The following MFSD11 variants were observed in gnomAD, a reference collection of about 807,000 sequenced individuals.
MFSD11 encodes the protein UNC93-like protein MFSD11.
A neutral mutation model predicts 53.5 loss-of-function variants in MFSD11; 36 were observed. The observed-to-expected ratio is 0.67, with a 90% CI of 0.52 to 0.89. MFSD11 has a LOEUF of 0.89. MFSD11 is among the 40% of genes least tolerant of loss of function. The probability of loss-of-function intolerance (pLI) is 0.00; values close to 1 mark genes in which losing one functional copy is unlikely to be tolerated. For synonymous variants in MFSD11, 186 were observed against 184.9 expected, an observed-to-expected ratio of 1.01 and a Z score of -0.05; for missense variants, 530 against 543.9, an observed-to-expected ratio of 0.97 and a Z score of 0.25.
chr17:76,790,920 G>A, the MFSD11 span, among the ~76,000 whole-genome samples: 4 of 142,818 alleles, frequency 2.8e-5, no homozygotes, highest in African/African-American at 5.3e-5. Context: ...CAGCCTGGGC[G>A]ACAGAGCCAG....
At chr17:76,779,506 A>G (rs1457879973), downstream of MFSD11, among the ~76,000 whole-genome samples, 3 of 151,980 alleles carry the variant, frequency 2.0e-5, no homozygotes, top group Non-Finnish European at 4.4e-5. Context: ...TTATTTAGAG[A>G]CGGAGTCTCA....
chr17:76,762,415 C>T (rs1270304357), intron 8 of MFSD11, among the ~76,000 whole-genome samples: 6 of 152,104 alleles, frequency 3.9e-5, no homozygotes, highest in African/African-American at 1.2e-4. Context: ...GCTGAGCATC[C>T]GGGCAGCTTA....
chr17:76,802,167 A>C, the MFSD11 span, among the ~76,000 whole-genome samples: 1 of 152,126 alleles, frequency 6.6e-6, no homozygotes, highest in Non-Finnish European at 1.5e-5. Flanking sequence ...GCTTCTCGGA[A>C]GGCTAAAGCA....
the MFSD11 span, among the ~76,000 whole-genome samples, chr17:76,800,140 G>C: frequency 6.6e-6 from 1 of 150,620 alleles, no homozygotes; most frequent in African/African-American, 2.4e-5. Flanking sequence ...ATTTTTAGTA[G>C]AGACGGGTTT....
chr17:76,764,398 G>A (rs1247574880), intron 8 of MFSD11, among the ~76,000 whole-genome samples: 3 of 152,024 alleles, frequency 2.0e-5, no homozygotes, highest in African/African-American at 4.8e-5. Flanking sequence ...TTTAACCAAC[G>A]TCTCCCTATT....
At chr17:76,750,343 C>T (rs8073654) in intron 7 of MFSD11, among the ~76,000 whole-genome samples, 62,132 of 149,562 alleles carry the variant, frequency 0.42, 15,682 homozygotes, top group Non-Finnish European at 0.56. Context: ...TTAGAGCACA[C>T]TATTTTTTTG....
intron 10 of MFSD11, among the ~76,000 whole-genome samples, chr17:76,773,959 T>C (rs1487660830): frequency 1.3e-5 from 2 of 151,896 alleles, no homozygotes; most frequent in African/African-American, 4.8e-5. Context: ...AGAGTCTTGC[T>C]CTGTCACCCG....
intron 7 of MFSD11, among the ~76,000 whole-genome samples, chr17:76,745,158 T>C (rs1436661715): frequency 6.6e-6 from 1 of 152,226 alleles, no homozygotes; most frequent in Non-Finnish European, 1.5e-5. Flanking sequence ...CTTGTTTTGC[T>C]TTGTTTGTGA....
intron 9 of MFSD11, among the ~76,000 whole-genome samples, chr17:76,767,679 C>T (rs769207519): frequency 1.3e-5 from 2 of 152,014 alleles, no homozygotes; most frequent in Non-Finnish European, 2.9e-5. Flanking sequence ...CTCAGAGCTG[C>T]TCTCCATCTC....
At chr17:76,752,385 GAA>G (rs2079131762) in intron 7 of MFSD11, among the ~76,000 whole-genome samples, 2 of 151,622 alleles carry the variant, frequency 1.3e-5, no homozygotes, top group Admixed American at 1.3e-4. Context: ...TGGTAAACTG[GAA>G]AAGTCAGGGA....
At chr17:76,767,327 G>A in intron 8 of MFSD11, 59 bp from the exon 9 acceptor site, 1 of 1,052,164 alleles carries the variant, frequency 9.5e-7, no homozygotes, top group East Asian at 2.4e-5. Context: ...GGAAGTTTTA[G>A]AATGTTTGTT....
At chr17:76,761,388 T>TA (rs1268491779) in intron 8 of MFSD11, among the ~76,000 whole-genome samples, 1 of 152,176 alleles carries the variant, frequency 6.6e-6, no homozygotes, top group African/African-American at 2.4e-5. Context: ...AAGATGTTTA[T>TA]AGTAGTGAGA....
chr17:76,759,998 T>C (rs2080054996), intron 8 of MFSD11, among the ~76,000 whole-genome samples: 1 of 151,708 alleles, frequency 6.6e-6, no homozygotes, highest in Admixed American at 6.6e-5. Context: ...CTGGGCCTGG[T>C]GGCTCATTCC....
intron 10 of MFSD11, among the ~76,000 whole-genome samples, chr17:76,771,517 G>A (rs750817844): frequency 1.3e-5 from 2 of 152,198 alleles, no homozygotes; most frequent in African/African-American, 2.4e-5. Flanking sequence ...TTATATTCTT[G>A]AGGAAGAATA....
intron 7 of MFSD11, among the ~76,000 whole-genome samples, chr17:76,746,541 A>G (rs1392624620): frequency 1.3e-5 from 2 of 152,240 alleles, no homozygotes; most frequent in Non-Finnish European, 2.9e-5. Context: ...TTAAACCTTC[A>G]AAGAACAGGC....
chr17:76,784,675 A>C (rs914845219), downstream of MFSD11, among the ~76,000 whole-genome samples: 9 of 152,124 alleles, frequency 5.9e-5, no homozygotes, highest in African/African-American at 2.2e-4. Context: ...TGGGTGGATC[A>C]CTTGAGGTCA....
In MFSD11 at chr17:76,776,488, T is replaced by G. The variant is rs2081846704; in HGVS notation, c.1132T>G (p.Phe378Val). Residue 378 changes from phenylalanine (F) to valine (V), a missense_variant, in exon 12 of 13, where the codon TTT becomes GTT. Coordinates refer to ENST00000685175, the MANE Select transcript of MFSD11 (RefSeq NM_001242532.5). The surrounding 1 kb of genome is among the most constrained non-coding windows in gnomAD (Gnocchi z 4.2). The stretch of plus-strand genomic sequence containing the variant: ...TACCCAGCTGCTTAGTATCTTGGGC[T>G]TTCTGTATTCTGAAGACAGCGCCCC... Reference protein sequence around the residue: ...FNTQLLSILGFLYSEDSAPAF... With the variant: ...FNTQLLSILGVLYSEDSAPAF... 6.2e-7 allele frequency: 1 copy of G among 1,614,034 alleles called. No individual in the cohort carries two copies. Among genetic ancestry groups the G allele is most frequent in the African/African-American group, 1.3e-5 (1 of 74,924 alleles).
chr17:76,737,028 T>C (rs775840051), upstream of MFSD11: 2 of 1,613,408 alleles, frequency 1.2e-6, no homozygotes, highest in South Asian at 1.1e-5. Flanking sequence ...TCCCGCGGGA[T>C]GTACACGTCG....
chr17:76,757,479 G>A (rs901710066), intron 8 of MFSD11, among the ~76,000 whole-genome samples: 1 of 152,184 alleles, frequency 6.6e-6, no homozygotes, highest in Non-Finnish European at 1.5e-5. Flanking sequence ...TGTGGCCTGT[G>A]TGTGGCCAGT....
Sources: gnomAD v4.1 joint callset for allele counts (sites outside exome capture counted in the v4.1 genomes callset) on GRCh38, gnomAD v4.1.1 for gene constraint, Gnocchi (gnomAD v3.1) non-coding constraint, MANE v1.5 for transcripts, NCBI Gene and HGNC (gene_info 2026-07-23, HGNC 2026-07-21) for gene names.